Variants in EDIL3 observed in about 807,000 individuals in gnomAD.
EDIL3 encodes the protein EGF like and discoidin domains 3.
A neutral mutation model predicts 67.4 loss-of-function variants in EDIL3; 37 were observed. The ratio of observed to expected loss-of-function variants is 0.55; its 90% CI spans 0.42 to 0.72. EDIL3 has a LOEUF of 0.72. EDIL3 is among the 30% of genes least tolerant of loss of function. The pLI is 0.00. For synonymous variants in EDIL3, 195 were observed against 196.3 expected (o/e 0.99, Z 0.05); for missense variants, 527 against 586.3 (o/e 0.90, Z 1.04).
At chr5:83,974,445 A>G (rs1010976467) in intron 9 of EDIL3, among the ~76,000 whole-genome samples, 11 of 151,960 alleles carry the variant, frequency 7.2e-5, no homozygotes, top group African/African-American at 2.7e-4. Flanking sequence ...AGAGCCACTG[A>G]CACAGAAAGT....
At chr5:84,303,808 C>CTCTGTGTG (rs1445734359) in intron 1 of EDIL3, among the ~76,000 whole-genome samples, 9 of 135,358 alleles carry the variant, frequency 6.6e-5, no homozygotes, top group African/African-American at 1.1e-4. Context: ...CTCTCTCTCT[C>CTCTGTGTG]TGTGTGTGTG....
At position 84,198,289 on chromosome 5, in the gene EDIL3, T is replaced by C. The variant is rs1176572344; in HGVS notation, c.227-17768A>G. ...AATGTGTGCAAGATAGTGCTTCTGA[T>C]GATAGAATTCTTGGTCTTGGCTAGT... On this transcript the variant is annotated intron_variant, in intron 3 of 10. Coordinates refer to ENST00000296591, the MANE Select transcript of EDIL3 (RefSeq NM_005711.5). Among the ~76,000 whole-genome samples, 4 of 151,220 alleles carry C rather than the reference T, an allele frequency of 2.6e-5. No individual in the cohort carries two copies. In the East Asian group the frequency reaches 5.8e-4, roughly 22 times the overall value.
chr5:84,031,710 A>C (rs973974190), intron 9 of EDIL3, among the ~76,000 whole-genome samples: 1 of 152,234 alleles, frequency 6.6e-6, no homozygotes, highest in African/African-American at 2.4e-5. Flanking sequence ...CAGGTTTTCC[A>C]GGATCTAGAA....
intron 9 of EDIL3, among the ~76,000 whole-genome samples, chr5:84,028,508 C>T (rs1745858146): frequency 6.6e-6 from 1 of 152,102 alleles, no homozygotes; most frequent in Non-Finnish European, 1.5e-5. Flanking sequence ...ATCTGACCCT[C>T]AGTTTCAAAA....
chr5:84,132,176 AG>A (rs1346850164), intron 5 of EDIL3, among the ~76,000 whole-genome samples: 16 of 148,706 alleles, frequency 1.1e-4, no homozygotes, highest in African/African-American at 3.7e-4. Context: ...TGGAGGTTGC[AG>A]CCAGCCGACA....
intron 1 of EDIL3, among the ~76,000 whole-genome samples, chr5:84,318,131 A>G (rs1746552967): frequency 6.6e-6 from 1 of 151,818 alleles, no homozygotes; most frequent in Non-Finnish European, 1.5e-5. Flanking sequence ...CAAGGAGACT[A>G]AAATGACTGC....
chr5:84,311,323 TC>T (rs202027644), intron 1 of EDIL3, among the ~76,000 whole-genome samples: 11,009 of 138,724 alleles, frequency 0.079, 707 homozygotes, highest in Non-Finnish European at 0.11. Flanking sequence ...TTTTTTTTTT[TC>T]TTTTTTTTTT....
intron 4 of EDIL3, among the ~76,000 whole-genome samples, chr5:84,157,097 C>G (rs532427519): frequency 6.6e-6 from 1 of 151,954 alleles, no homozygotes; most frequent in East Asian, 1.9e-4. Flanking sequence ...TAATAAAGCT[C>G]TAAGGATGTT....
chr5:84,018,509 C>T (rs961865283), intron 9 of EDIL3, among the ~76,000 whole-genome samples: 4 of 152,142 alleles, frequency 2.6e-5, no homozygotes, highest in South Asian at 2.1e-4. Context: ...TAGCTGTCCT[C>T]GCTCTCACAT....
chr5:84,129,407 T>C (rs188559732), intron 5 of EDIL3, among the ~76,000 whole-genome samples: 1 of 152,192 alleles, frequency 6.6e-6, no homozygotes, highest in Admixed American at 6.6e-5. Context: ...TGTATCTCTA[T>C]ATATTTATAG....
intron 3 of EDIL3, among the ~76,000 whole-genome samples, chr5:84,185,277 A>G (rs1229303955): frequency 6.6e-6 from 1 of 152,324 alleles, no homozygotes; most frequent in East Asian, 1.9e-4. Flanking sequence ...CACTAAGCAC[A>G]TTCCTATAAA....
chr5:84,377,942 C>T (rs1748000602), intron 1 of EDIL3, among the ~76,000 whole-genome samples: 2 of 152,178 alleles, frequency 1.3e-5, no homozygotes, highest in Non-Finnish European at 2.9e-5. Flanking sequence ...ACAATTCCTA[C>T]ACAGTTACTA....
intron 9 of EDIL3, among the ~76,000 whole-genome samples, chr5:83,996,212 G>C (rs1745236575): frequency 6.6e-6 from 1 of 152,168 alleles, no homozygotes; most frequent in Admixed American, 6.5e-5. Flanking sequence ...CAATTAAATA[G>C]TAAAGACTCA....
At chr5:84,103,498 A>G (rs747835921) in intron 6 of EDIL3, among the ~76,000 whole-genome samples, 14 of 152,060 alleles carry the variant, frequency 9.2e-5, no homozygotes, top group African/African-American at 3.4e-4. Context: ...TTCAGCATCT[A>G]TAAGAAACTT....
At chr5:84,304,081 A>T (rs924104395) in intron 1 of EDIL3, among the ~76,000 whole-genome samples, 3 of 152,096 alleles carry the variant, frequency 2.0e-5, no homozygotes, top group African/African-American at 7.2e-5. Context: ...ACAGTTTGTG[A>T]CTTTAAATGG....
chr5:84,311,968 C>T (rs1364390046), intron 1 of EDIL3, among the ~76,000 whole-genome samples: 1 of 152,226 alleles, frequency 6.6e-6, no homozygotes, highest in East Asian at 1.9e-4. Context: ...TCTTTCTACA[C>T]AGACATGGCA....
At chr5:84,122,933 T>A (rs1041226159) in intron 5 of EDIL3, among the ~76,000 whole-genome samples, 1 of 151,966 alleles carries the variant, frequency 6.6e-6, no homozygotes, top group Admixed American at 6.6e-5. Flanking sequence ...ATTTTACAGC[T>A]GAAGCAGGTT....
At chr5:84,116,720 T>A (rs1005333202) in intron 5 of EDIL3, among the ~76,000 whole-genome samples, 3 of 152,228 alleles carry the variant, frequency 2.0e-5, no homozygotes, top group African/African-American at 7.2e-5. Context: ...TAATTCAACA[T>A]AGAACTTTAA....
chr5:84,210,883 T>G (rs1744104089), intron 3 of EDIL3, among the ~76,000 whole-genome samples: 1 of 152,242 alleles, frequency 6.6e-6, no homozygotes, highest in African/African-American at 2.4e-5. Context: ...AATATTTCAT[T>G]ACACAATATG....
Sources: gnomAD v4.1 joint callset for allele counts (sites outside exome capture counted in the v4.1 genomes callset) on GRCh38, gnomAD v4.1.1 for gene constraint, MANE v1.5 for transcripts, NCBI Gene and HGNC (gene_info 2026-07-23, HGNC 2026-07-21) for gene names.